The following POGZ variants were observed in gnomAD, a reference collection of about 807,000 sequenced individuals.
POGZ encodes pogo transposable element with ZNF domain.
A neutral mutation model predicts 134.6 loss-of-function variants in POGZ; 17 were observed. The ratio of observed to expected loss-of-function variants is 0.13; its 90% CI spans 0.09 to 0.19. The LOEUF (loss-of-function observed/expected upper bound fraction) is 0.19. POGZ is among the 10% of genes least tolerant of loss of function. The pLI is 1.00. For synonymous variants in POGZ, 693 were observed against 657.1 expected (o/e 1.05, Z -0.84); for missense variants, 1,306 against 1,769.7 (o/e 0.74, Z 4.70).
At chr1:151,447,964 C>G (rs1661513137) in intron 1 of POGZ, among the ~76,000 whole-genome samples, 1 of 151,920 alleles carries the variant, frequency 6.6e-6, no homozygotes, top group South Asian at 2.1e-4. Context: ...ATTTCCTGCC[C>G]CAGACCTAGA....
rs779757813 is a variant in POGZ, at chr1:151,428,248, T to C, written c.734A>G (p.Gln245Arg). ...GGGAGTGGACTTGGTCTGCTGGGACTGGGACTGTGGGACGGTGCTTCGAAT... is the reference window on the plus strand; with the variant it reads ...GGGAGTGGACTTGGTCTGCTGGGACCGGGACTGTGGGACGGTGCTTCGAAT... Reference protein sequence around the residue: ...LTIRSTVPQSQSQQTKSTPST... With the variant: ...LTIRSTVPQSRSQQTKSTPST... The change falls in exon 6 of 19, where the codon CAG (glutamine) becomes CGG (arginine). Residue 245 changes from glutamine to arginine, a missense_variant. This residue lies in a region of POGZ where 541 missense variants were observed against 680.5 expected (regional missense o/e 0.80). Coordinates refer to ENST00000271715, the MANE Select transcript of POGZ (RefSeq NM_015100.4). 6.2e-7 allele frequency: 1 copy of C among 1,614,120 alleles called. No homozygotes were observed. Among genetic ancestry groups the C allele is most frequent in the Admixed American group, 1.7e-5 (1 of 60,014 alleles).
intron 1 of POGZ, among the ~76,000 whole-genome samples, chr1:151,456,101 C>T (rs1292328502): frequency 6.6e-6 from 1 of 152,004 alleles, no homozygotes; most frequent in Non-Finnish European, 1.5e-5. Flanking sequence ...CATCAATCCA[C>T]TTTTTTACTG....
chr1:151,437,264 C>T (rs986080210), intron 3 of POGZ, among the ~76,000 whole-genome samples: 2 of 150,232 alleles, frequency 1.3e-5, no homozygotes, highest in African/African-American at 2.4e-5. Flanking sequence ...TTGTCTTCTC[C>T]GTGTGTGTTT....
At chr1:151,442,006 C>T in intron 2 of POGZ, 75 bp downstream of exon 2, 3 of 1,113,486 alleles carry the variant, frequency 2.7e-6, no homozygotes, top group South Asian at 1.4e-5. Flanking sequence ...CCTTTTCCAT[C>T]TCACACTTTG....
intron 3 of POGZ, among the ~76,000 whole-genome samples, chr1:151,437,234 A>G (rs983152587): frequency 2.0e-5 from 3 of 151,692 alleles, no homozygotes; most frequent in Non-Finnish European, 2.9e-5. Context: ...ACATGCCACA[A>G]ACACCTTCCA....
chr1:151,408,284 GT>G, intron 14 of POGZ, 44 bp from the exon 15 acceptor site: 1 of 1,599,222 alleles, frequency 6.3e-7, no homozygotes, highest in Non-Finnish European at 8.5e-7. Flanking sequence ...TGCCTCATGG[GT>G]CCCCAAAATG....
At chr1:151,451,419 T>C (rs534787790) in intron 1 of POGZ, among the ~76,000 whole-genome samples, 23 of 152,014 alleles carry the variant, frequency 1.5e-4, no homozygotes, top group African/African-American at 5.3e-4. Context: ...CTTCACCTCC[T>C]GGGTGCAAGC....
chr1:151,414,911 T>C (rs1655359327), intron 10 of POGZ, among the ~76,000 whole-genome samples: 1 of 152,206 alleles, frequency 6.6e-6, no homozygotes, highest in African/African-American at 2.4e-5. Context: ...AAGGAGCTAA[T>C]ACAGAAAAAG....
chr1:151,443,551 C>G (rs923734845), intron 1 of POGZ, among the ~76,000 whole-genome samples: 1 of 151,982 alleles, frequency 6.6e-6, no homozygotes, highest in Non-Finnish European at 1.5e-5. Context: ...CCCATCTCTA[C>G]TAAAAACATA....
At chr1:151,430,133 T>C (rs1173418698) in intron 4 of POGZ, among the ~76,000 whole-genome samples, 1 of 152,126 alleles carries the variant, frequency 6.6e-6, no homozygotes, top group East Asian at 1.9e-4. Context: ...CCATAAACCT[T>C]TGGCAAATTC....
rs748955181 is a variant in POGZ at position 151,406,021 on chromosome 1, C to T, written c.3014G>A (p.Arg1005His). ...HFRNPQRRIR[R>H]WLRRFQASQG... ...GGAGGCCTGGAAACGTCGAAGCCAA[C>T]GGCGAATACGTCGCTGGGGATTTCG... The change falls in exon 19 of 19, where the codon CGT becomes CAT. Residue 1005 changes from arginine to histidine, a missense_variant. By Grantham distance (29) the Arg-to-His change is conservative (BLOSUM62 0). Around this residue, in one of 10 missense-constraint regions of POGZ, gnomAD observed 214 missense variants for 255.5 expected, o/e 0.84. Transcript: ENST00000271715. The T allele has an allele frequency of 3.9e-5, 63 of 1,614,092 alleles. No homozygotes were observed. The highest frequency in any genetic ancestry group is 4.8e-5 in the Non-Finnish European group (57 of 1,180,056).
At chr1:151,417,709 C>A (rs1185470441) in intron 10 of POGZ, among the ~76,000 whole-genome samples, 1 of 149,154 alleles carries the variant, frequency 6.7e-6, no homozygotes, top group African/African-American at 2.6e-5. Context: ...CACACACACA[C>A]ACACACACAC....
At chr1:151,406,705 T>A in intron 17 of POGZ, 74 bp from the exon 18 acceptor site, 2 of 1,277,026 alleles carry the variant, frequency 1.6e-6, no homozygotes. Flanking sequence ...GCCCTGGGAT[T>A]CAACTTACTA....
intron 3 of POGZ, among the ~76,000 whole-genome samples, chr1:151,440,089 G>A (rs74600714): frequency 2.6e-5 from 4 of 151,682 alleles, no homozygotes; most frequent in African/African-American, 9.7e-5. Flanking sequence ...ATAACATATA[G>A]ATGTATATAA....
At chr1:151,419,668 CAAAAAAAAAAA>C (rs59593149) in intron 10 of POGZ, among the ~76,000 whole-genome samples, 11 of 43,650 alleles carry the variant, frequency 2.5e-4, no homozygotes, top group Admixed American at 1.4e-3. Flanking sequence ...GACCCTGTCT[CAAAAAAAAAAA>C]AAAAAAAAAA....
chr1:151,458,344 T>C (rs370520528), intron 1 of POGZ, among the ~76,000 whole-genome samples: 1 of 151,998 alleles, frequency 6.6e-6, no homozygotes, highest in Non-Finnish European at 1.5e-5. Flanking sequence ...AAAATAAAGA[T>C]TCCCCGCCTC....
At chr1:151,446,527 G>A (rs958370267) in intron 1 of POGZ, among the ~76,000 whole-genome samples, 6 of 151,882 alleles carry the variant, frequency 4.0e-5, no homozygotes, top group African/African-American at 1.2e-4. Flanking sequence ...AGGCCGAGGC[G>A]GGGGGATCAC....
intron 7 of POGZ, 77 bp from the exon 8 acceptor site, chr1:151,425,138 C>A: frequency 1.3e-6 from 1 of 743,806 alleles, no homozygotes; most frequent in Non-Finnish European, 2.4e-6. Context: ...GGGAAAAAGT[C>A]AAACACTCCC....
Position 151,423,380 on chromosome 1 carries a change from A to T in POGZ, c.1678+17T>A. 1 of 1,610,678 alleles carries T rather than the reference A, an allele frequency of 6.2e-7. No individual in the cohort carries two copies. ...GCAAGGTATATTCCCCTTGAGTTTA[A>T]GAGTTTCCAAACTTACTAGTAGATT... On this transcript the variant is annotated intron_variant, in intron 10 of 18. Coordinates refer to ENST00000271715, the MANE Select transcript of POGZ (RefSeq NM_015100.4).
Sources: gnomAD v4.1 joint callset for allele counts (sites outside exome capture counted in the v4.1 genomes callset) on GRCh38, gnomAD v4.1.1 for gene constraint, gnomAD v4.1.1 regional missense constraint, MANE v1.5 for transcripts, NCBI Gene and HGNC (gene_info 2026-07-23, HGNC 2026-07-21) for gene names.